Variants in PLA2G12B observed in about 807,000 individuals in gnomAD.
The protein encoded by PLA2G12B is group XIIB secretory phospholipase A2-like protein.
A neutral mutation model predicts 22.3 loss-of-function variants in PLA2G12B; 19 were observed. That is an observed-to-expected ratio of 0.85 (90% CI 0.60 to 1.25). The LOEUF is 1.25. Among genes scored for constraint, PLA2G12B ranks in the 50% most tolerant of loss-of-function variants. PLA2G12B has a pLI of 0.00. For synonymous variants in PLA2G12B, 81 were observed against 94.9 expected (o/e 0.85, Z 0.85); for missense variants, 191 against 246.6 (o/e 0.77, Z 1.51).
At position 72,935,833 on chromosome 10, in the gene PLA2G12B, A is replaced by C. The variant is rs1846272447; in HGVS notation, c.467-95T>G. The C allele has an allele frequency of 2.8e-6, 4 of 1,420,606 alleles. No homozygotes were observed. The Middle Eastern group carries it at 5.5e-4, about 195-fold the overall frequency. 88.0% of individuals were successfully genotyped at this position (1,420,606 alleles called of 1,614,324 possible). Reference sequence around the variant, plus strand: ...ATGATACCCAGAGGAAAGTAGAGACAGTAATCCAAATACAGAATTCAAAGG... The same window carrying C: ...ATGATACCCAGAGGAAAGTAGAGACCGTAATCCAAATACAGAATTCAAAGG... On this transcript the variant is annotated intron_variant, in intron 3 of 3. Coordinates refer to ENST00000373032, the MANE Select transcript of PLA2G12B (RefSeq NM_032562.5).
At chr10:72,939,929 A>G (rs1347772298) in intron 3 of PLA2G12B, among the ~76,000 whole-genome samples, 1 of 152,238 alleles carries the variant, frequency 6.6e-6, no homozygotes, top group South Asian at 2.1e-4. Context: ...GTGACTATCA[A>G]TTAGATGGGA....
At chr10:72,949,202 A>C (rs1846488158) in intron 1 of PLA2G12B, among the ~76,000 whole-genome samples, 1 of 152,216 alleles carries the variant, frequency 6.6e-6, no homozygotes, top group African/African-American at 2.4e-5. Flanking sequence ...TCAACATTAA[A>C]AAAAGGATTA....
chr10:72,951,055 ACTGT>A (rs1243404148), intron 1 of PLA2G12B, among the ~76,000 whole-genome samples: 3 of 152,174 alleles, frequency 2.0e-5, no homozygotes, highest in Admixed American at 1.3e-4. Context: ...TGTTCACTAG[ACTGT>A]CTTTCTCATA....
Position 72,935,478 on chromosome 10 carries a change from A to T in PLA2G12B, c.*139T>A, listed in dbSNP as rs1018780973. The T allele has an allele frequency of 1.0e-5, 13 of 1,284,096 alleles. No individual in the cohort carries two copies. In the African/African-American group the frequency reaches 1.6e-4, roughly 16 times the overall value. The allele number at this position is 1,284,096 out of a possible 1,614,324, so 79.5% of individuals were successfully genotyped here. A position where few individuals can be genotyped will look rare whatever the true frequency, so the allele number is the denominator to read the frequency against. On this transcript the variant is annotated 3_prime_UTR_variant, in exon 4 of 4. Transcript: ENST00000373032. ...AGGATAGGACTCACTTTCCAGCTGT[A>T]GAAAAATGTTCCCTTTCTCCTGCTT... is the stretch of plus-strand genomic sequence containing the variant.
intron 1 of PLA2G12B, among the ~76,000 whole-genome samples, chr10:72,954,131 T>G (rs1252104898): frequency 6.6e-6 from 1 of 151,966 alleles, no homozygotes; most frequent in Non-Finnish European, 1.5e-5. Context: ...CCAGGTACCC[T>G]TTTTTCCTAA....
rs541191817 is a variant in PLA2G12B at position 72,935,530 on chromosome 10, G to A, written c.*87C>T. ...GTGGTGTCCAAACTGTTGGAAGAAC[G>A]AATGAGTCACGCTGACTCGAAGACT... On this transcript the variant is annotated 3_prime_UTR_variant, in exon 4 of 4. Coordinates refer to ENST00000373032, the MANE Select transcript of PLA2G12B (RefSeq NM_032562.5). 47 of 1,547,210 alleles carry A rather than the reference G, an allele frequency of 3.0e-5. No individual in the cohort carries two copies. Among genetic ancestry groups the A allele is most frequent in the African/African-American group, 1.4e-4 (10 of 73,236 alleles).
At chr10:72,942,187 TGCA>T (rs1216278814) in intron 2 of PLA2G12B, among the ~76,000 whole-genome samples, 6 of 148,494 alleles carry the variant, frequency 4.0e-5, no homozygotes, top group Admixed American at 4.0e-4. Flanking sequence ...TGTGTGTGTG[TGCA>T]GATTTCTATG....
At chr10:72,951,748 C>T (rs558014171) in intron 1 of PLA2G12B, among the ~76,000 whole-genome samples, 5 of 152,266 alleles carry the variant, frequency 3.3e-5, no homozygotes, top group South Asian at 4.1e-4. Flanking sequence ...CATGAGCCAC[C>T]GCACCCAGCT....
intron 2 of PLA2G12B, among the ~76,000 whole-genome samples, chr10:72,942,149 G>GGGGTGT (rs1554833648): frequency 3.7e-5 from 5 of 136,038 alleles, no homozygotes; most frequent in East Asian, 2.2e-4. Context: ...CAGGGCGTCG[G>GGGGTGT]GTGTGTGTGT....
At position 72,939,608 on chromosome 10, in the gene PLA2G12B, T is replaced by G. The variant is rs532349612; in HGVS notation, c.466+1561A>C. ...CCCGTGATAAAAACTAGAAACAAGC[T>G]ATCTGAAAATGCTTTGTGATGTGTG... On this transcript the variant is annotated intron_variant, in intron 3 of 3. Transcript: ENST00000373032. Among the ~76,000 whole-genome samples the G allele has an allele frequency of 7.2e-5, 11 of 151,850 alleles. No homozygotes were observed. In the South Asian group the frequency reaches 2.1e-3, roughly 29 times the overall value.
At chr10:72,939,388 T>G (rs899707702) in intron 3 of PLA2G12B, among the ~76,000 whole-genome samples, 2 of 151,516 alleles carry the variant, frequency 1.3e-5, no homozygotes, top group African/African-American at 4.9e-5. Context: ...CTGAGCCTAC[T>G]GAGGCCCATA....
intron 3 of PLA2G12B, among the ~76,000 whole-genome samples, chr10:72,937,671 A>G (rs377618182): frequency 2.6e-4 from 40 of 152,214 alleles, no homozygotes; most frequent in Non-Finnish European, 4.9e-4. Context: ...ATCCAGTAAC[A>G]TATAAAAAGG....
Position 72,954,464 on chromosome 10 carries a change from C to T in PLA2G12B, c.211+11G>A, listed in dbSNP as rs200315467. ...CAACAGTTTTTACAGAAAGAGAAAC[C>T]GCACACTCACCATATCGGCACCTGT... On this transcript the variant is annotated intron_variant, in intron 1 of 3. Coordinates refer to ENST00000373032, the MANE Select transcript of PLA2G12B (RefSeq NM_032562.5). 1.3e-4 allele frequency: 202 copies of T among 1,614,116 alleles called. No homozygotes were observed. Among genetic ancestry groups the T allele is most frequent in the South Asian group, 7.6e-4 (69 of 91,054 alleles).
chr10:72,947,016 C>G (rs1305772327), intron 1 of PLA2G12B, among the ~76,000 whole-genome samples: 1 of 151,688 alleles, frequency 6.6e-6, no homozygotes, highest in Non-Finnish European at 1.5e-5. Context: ...TTCAAACTCC[C>G]AGGTTCAAGT....
rs766213718 is a variant in PLA2G12B at position 72,935,657 on chromosome 10, G to T, written c.548C>A (p.Ala183Glu). The change falls in exon 4 of 4, where the codon GCA (alanine) becomes GAA (glutamate). Residue 183 changes from alanine (A) to glutamate (E), a missense_variant. By Grantham distance (107) the Ala-to-Glu change is moderately radical. Transcript: ENST00000373032. ...CTCCTCCTCTGCACAGATGCAAGCT[G>T]CCCGCTGACTATTCATAAAGGGGCG... is the stretch of plus-strand genomic sequence containing the variant. ...GCRPFMNSQRAACICAEEEKE... is the reference protein window; with the variant it reads ...GCRPFMNSQREACICAEEEKE... The T allele has an allele frequency of 3.7e-6, 6 of 1,614,168 alleles. No homozygotes were observed. The highest frequency in any genetic ancestry group is 2.2e-5 in the East Asian group (1 of 44,888).
intron 1 of PLA2G12B, among the ~76,000 whole-genome samples, chr10:72,948,228 A>G (rs1846473597): frequency 1.3e-5 from 2 of 152,136 alleles, no homozygotes; most frequent in Admixed American, 1.3e-4. Context: ...TTTGCCACAG[A>G]CTTGGCTCGG....
intron 3 of PLA2G12B, among the ~76,000 whole-genome samples, chr10:72,937,619 G>A (rs888431465): frequency 4.6e-5 from 7 of 152,120 alleles, no homozygotes; most frequent in Non-Finnish European, 1.0e-4. Flanking sequence ...TATCTCTTAT[G>A]AATATGGATG....
chr10:72,946,089 C>A (rs114782657), intron 1 of PLA2G12B, among the ~76,000 whole-genome samples: 1 of 152,132 alleles, frequency 6.6e-6, no homozygotes, highest in East Asian at 1.9e-4. Flanking sequence ...CCAGTCAACA[C>A]CATAATCTAA....
intron 1 of PLA2G12B, among the ~76,000 whole-genome samples, chr10:72,948,891 T>C (rs1230688647): frequency 6.6e-6 from 1 of 152,186 alleles, no homozygotes; most frequent in African/African-American, 2.4e-5. Context: ...TCGAGAAGTG[T>C]TAGCCAAGAA....
Sources: allele counts gnomAD v4.1 joint callset (sites outside exome capture counted in the v4.1 genomes callset), GRCh38; gene constraint gnomAD v4.1.1; transcripts MANE v1.5; gene names NCBI Gene and HGNC (gene_info 2026-07-23, HGNC 2026-07-21).